SLC10A7: variants seen among roughly 807,000 people sequenced by gnomAD.
SLC10A7 encodes sodium/bile acid cotransporter 7.
SLC10A7 carries 29 observed loss-of-function variants against 43.2 expected under a neutral mutation model. That is an observed-to-expected ratio of 0.67 (90% CI 0.50 to 0.92). The LOEUF (loss-of-function observed/expected upper bound fraction) is 0.92, where lower values mean the gene tolerates loss of function less well. Ranked by LOEUF, SLC10A7 falls within the 40% of genes least tolerant of loss-of-function variation. The probability of loss-of-function intolerance (pLI) is 0.00; values close to 1 mark genes in which losing one functional copy is unlikely to be tolerated. For missense variants in SLC10A7, 295 were observed against 403.2 expected (o/e 0.73, Z 2.30); for synonymous variants, 152 against 144.8 (o/e 1.05, Z -0.35).
intron 5 of SLC10A7, among the ~76,000 whole-genome samples, chr4:146,350,027 A>G (rs1429124852): frequency 6.6e-6 from 1 of 152,042 alleles, no homozygotes; most frequent in Non-Finnish European, 1.5e-5. Flanking sequence ...TAGGGGGAGG[A>G]GCCAAGATGG....
intron 10 of SLC10A7, among the ~76,000 whole-genome samples, chr4:146,282,511 A>G (rs994744475): frequency 6.6e-5 from 10 of 152,180 alleles, no homozygotes; most frequent in African/African-American, 2.4e-4. Context: ...GTATATTTCA[A>G]TAAAGCTTCT....
intron 10 of SLC10A7, among the ~76,000 whole-genome samples, chr4:146,282,286 T>C (rs971191978): frequency 6.6e-6 from 1 of 152,188 alleles, no homozygotes; most frequent in African/African-American, 2.4e-5. Flanking sequence ...AGACTGACAG[T>C]AGACTATCAG....
chr4:146,311,738 G>T (rs1731992160), intron 6 of SLC10A7, among the ~76,000 whole-genome samples: 1 of 151,890 alleles, frequency 6.6e-6, no homozygotes, highest in Non-Finnish European at 1.5e-5. Flanking sequence ...CACCCGCAGA[G>T]CCCAGCCCTG....
At chr4:146,327,607 C>T (rs989050785) in intron 5 of SLC10A7, among the ~76,000 whole-genome samples, 7 of 152,204 alleles carry the variant, frequency 4.6e-5, no homozygotes, top group African/African-American at 1.7e-4. Context: ...TAAACATCCA[C>T]TTATATACTG....
chr4:146,381,090 C>T (rs1737584894), intron 5 of SLC10A7, among the ~76,000 whole-genome samples: 2 of 152,142 alleles, frequency 1.3e-5, no homozygotes, highest in South Asian at 4.1e-4. Context: ...ATTTGGGGGG[C>T]TCTTGTTTAA....
At chr4:146,326,020 G>A (rs1322268418) in intron 5 of SLC10A7, 24 bp from the exon 6 acceptor site, 1 of 1,606,838 alleles carries the variant, frequency 6.2e-7, no homozygotes, top group Non-Finnish European at 8.5e-7. Flanking sequence ...AAGAGAGGAT[G>A]ATCATTTATC....
intron 4 of SLC10A7, among the ~76,000 whole-genome samples, chr4:146,477,304 A>G (rs1264691881): frequency 6.6e-6 from 1 of 152,258 alleles, no homozygotes; most frequent in African/African-American, 2.4e-5. Flanking sequence ...TCTCAGGAAA[A>G]GCAAGAATAA....
intron 11 of SLC10A7, among the ~76,000 whole-genome samples, chr4:146,257,935 G>C (rs1727981757): frequency 6.6e-6 from 1 of 152,146 alleles, no homozygotes; most frequent in Non-Finnish European, 1.5e-5. Context: ...ACTTGTCATT[G>C]GATACCTCTT....
At chr4:146,267,393 ATTCTGGAACC>A (rs1359132198) in intron 10 of SLC10A7, among the ~76,000 whole-genome samples, 4 of 152,116 alleles carry the variant, frequency 2.6e-5, no homozygotes, top group Non-Finnish European at 5.9e-5. Context: ...CCTCAAACCC[ATTCTGGAACC>A]TTCCAAAGGC....
intron 1 of SLC10A7, among the ~76,000 whole-genome samples, chr4:146,518,838 G>A (rs1427096841): frequency 6.6e-6 from 1 of 151,626 alleles, no homozygotes; most frequent in Non-Finnish European, 1.5e-5. Context: ...TTTCCCAGAT[G>A]TCCTTTGGAG....
intron 5 of SLC10A7, among the ~76,000 whole-genome samples, chr4:146,375,166 A>T (rs1318529135): frequency 1.3e-5 from 2 of 152,214 alleles, no homozygotes; most frequent in Non-Finnish European, 2.9e-5. Context: ...AGATTGCACC[A>T]CTGCACTCCG....
intron 5 of SLC10A7, among the ~76,000 whole-genome samples, chr4:146,414,253 G>A (rs1323844879): frequency 6.6e-6 from 1 of 152,090 alleles, no homozygotes; most frequent in Non-Finnish European, 1.5e-5. Flanking sequence ...ATAAATAAGC[G>A]TTAAATAAAA....
intron 7 of SLC10A7, among the ~76,000 whole-genome samples, chr4:146,300,983 G>T (rs1263922923): frequency 6.6e-6 from 1 of 152,118 alleles, no homozygotes; most frequent in Non-Finnish European, 1.5e-5. Flanking sequence ...TCTTGAATAT[G>T]TTATTAAGTA....
At chr4:146,296,060 C>T (rs1730763757) in intron 7 of SLC10A7, among the ~76,000 whole-genome samples, 1 of 152,132 alleles carries the variant, frequency 6.6e-6, no homozygotes, top group Admixed American at 6.5e-5. Context: ...ACAGATGTCC[C>T]TTGGTATCCA....
chr4:146,352,791 G>A (rs1282593625), intron 5 of SLC10A7, among the ~76,000 whole-genome samples: 1 of 137,946 alleles, frequency 7.2e-6, no homozygotes, highest in African/African-American at 2.8e-5. Flanking sequence ...TGACTACTGG[G>A]TACATAACGA....
At chr4:146,391,379 T>C (rs1334607994) in intron 5 of SLC10A7, among the ~76,000 whole-genome samples, 1 of 152,220 alleles carries the variant, frequency 6.6e-6, no homozygotes, top group Non-Finnish European at 1.5e-5. Context: ...CTATGGGTTA[T>C]TGTTGTTACC....
At chr4:146,270,467 C>T (rs777186967) in intron 10 of SLC10A7, among the ~76,000 whole-genome samples, 2 of 152,142 alleles carry the variant, frequency 1.3e-5, no homozygotes, top group African/African-American at 2.4e-5. Context: ...ACAGAGTAAA[C>T]GAGTCTAAAT....
rs531078617 is a variant in SLC10A7, at chr4:146,268,588, C to T, written c.848-9751G>A. Among the ~76,000 whole-genome samples the T allele has an allele frequency of 1.1e-4, 17 of 152,286 alleles. No individual in the cohort carries two copies. In the East Asian group the frequency reaches 1.4e-3, roughly 12 times the overall value. Reference sequence around the variant, plus strand: ...TTGATTGTAGCCAATACTTACACAGCGTTTACTATATGCCAGGCACTGTTC... The same window carrying T: ...TTGATTGTAGCCAATACTTACACAGTGTTTACTATATGCCAGGCACTGTTC... On this transcript the variant is annotated intron_variant, in intron 10 of 11. Coordinates refer to ENST00000335472, the MANE Select transcript of SLC10A7 (RefSeq NM_001029998.6).
At chr4:146,513,312 G>A (rs546936219) in intron 2 of SLC10A7, among the ~76,000 whole-genome samples, 2 of 151,872 alleles carry the variant, frequency 1.3e-5, no homozygotes, top group African/African-American at 2.4e-5. Flanking sequence ...AAAAGAATAG[G>A]ATAAGATTAC....
Sources: allele counts gnomAD v4.1 joint callset (sites outside exome capture counted in the v4.1 genomes callset), GRCh38; gene constraint gnomAD v4.1.1; transcripts MANE v1.5; gene names NCBI Gene and HGNC (gene_info 2026-07-23, HGNC 2026-07-21).